CALN1: variants seen among roughly 807,000 people sequenced by gnomAD.
CALN1 encodes calcium-binding protein 8.
In CALN1, 17 loss-of-function variants were observed where a neutral mutation model predicts 30.6. The observed-to-expected ratio is 0.56, with a 90% CI of 0.38 to 0.83. The LOEUF (loss-of-function observed/expected upper bound fraction) is 0.83. Among genes scored for constraint, CALN1 ranks in the 40% least tolerant of loss-of-function variants. The probability of loss-of-function intolerance (pLI) is 0.00; values close to 1 mark genes in which losing one functional copy is unlikely to be tolerated. For missense variants in CALN1, 291 were observed against 354.9 expected, an observed-to-expected ratio of 0.82 and a Z score of 1.45; for synonymous variants, 156 against 131.4, an observed-to-expected ratio of 1.19 and a Z score of -1.28.
At chr7:72,501,972 T>C in the CALN1 span, among the ~76,000 whole-genome samples, 300 of 120,720 alleles carry the variant, frequency 2.5e-3, 3 homozygotes, top group African/African-American at 9.9e-3. Flanking sequence ...TATATAAATA[T>C]ATATACACAC....
chr7:72,304,498 TA>T (rs1018598671), intron 2 of CALN1, among the ~76,000 whole-genome samples: 3 of 151,758 alleles, frequency 2.0e-5, no homozygotes, highest in African/African-American at 7.3e-5. Context: ...AAATGAATTT[TA>T]AAAAAAATCA....
chr7:72,456,401 G>A, the CALN1 span, among the ~76,000 whole-genome samples: 1 of 152,054 alleles, frequency 6.6e-6, no homozygotes, highest in Non-Finnish European at 1.5e-5. Context: ...AGCCAAGAAT[G>A]GTGGTACACG....
chr7:72,364,879 A>G (rs1803789140), intron 2 of CALN1, among the ~76,000 whole-genome samples: 1 of 152,230 alleles, frequency 6.6e-6, no homozygotes, highest in South Asian at 2.1e-4. Flanking sequence ...TACTAAAAAC[A>G]CAAAAATTAG....
chr7:72,189,360 G>C (rs533600250), intron 3 of CALN1, among the ~76,000 whole-genome samples: 8 of 152,236 alleles, frequency 5.3e-5, no homozygotes, highest in African/African-American at 1.9e-4. Context: ...AAAGAATTTT[G>C]TTTCTCAAGC....
rs573434579 is a variant in CALN1 at position 72,085,274 on chromosome 7, A to G, written c.388+20877T>C. ...AGGATTGCTTGAGACCAGGAGTTTC[A>G]GACCAGCCTGGGCAACACTGCAAGA... is the stretch of plus-strand genomic sequence containing the variant. On this transcript the variant is annotated intron_variant, in intron 4 of 6. Coordinates refer to ENST00000395275, the MANE Select transcript of CALN1 (RefSeq NM_031468.4). Among the ~76,000 whole-genome samples the G allele has an allele frequency of 8.3e-4, 126 of 152,310 alleles. 1 individual carries two copies. The highest frequency in any genetic ancestry group is 3.0e-3 in the African/African-American group (125 of 41,562).
At chr7:72,465,703 T>C in the CALN1 span, among the ~76,000 whole-genome samples, 1 of 152,232 alleles carries the variant, frequency 6.6e-6, no homozygotes, top group Non-Finnish European at 1.5e-5. Flanking sequence ...ATCATATACA[T>C]GGATCATTGA....
At chr7:72,327,902 A>G (rs751599949) in intron 2 of CALN1, among the ~76,000 whole-genome samples, 39 of 152,330 alleles carry the variant, frequency 2.6e-4, no homozygotes, top group Admixed American at 5.2e-4. Context: ...TTCAACCTCT[A>G]TGAGAAGAAA....
chr7:72,401,722 A>C (rs2129562049), intron 2 of CALN1, among the ~76,000 whole-genome samples: 1 of 152,328 alleles, frequency 6.6e-6, no homozygotes, highest in East Asian at 1.9e-4. Flanking sequence ...CAAATGAGGA[A>C]ACATTTTTAA....
chr7:72,057,154 C>G (rs908183831), intron 4 of CALN1, among the ~76,000 whole-genome samples: 3 of 151,972 alleles, frequency 2.0e-5, no homozygotes, highest in Non-Finnish European at 4.4e-5. Context: ...ACCATGTTGC[C>G]CAGACTAGTC....
At chr7:72,463,390 G>A in the CALN1 span, among the ~76,000 whole-genome samples, 7 of 152,186 alleles carry the variant, frequency 4.6e-5, no homozygotes, top group East Asian at 3.9e-4. Context: ...TGATCTGCCC[G>A]CCTCGGCCTC....
At chr7:71,912,143 G>A (rs533070642) in intron 5 of CALN1, among the ~76,000 whole-genome samples, 3 of 152,154 alleles carry the variant, frequency 2.0e-5, no homozygotes, top group Non-Finnish European at 2.9e-5. Context: ...CTCAGTGAAC[G>A]TTAGTCTTCT....
intron 5 of CALN1, among the ~76,000 whole-genome samples, chr7:71,932,603 G>A (rs1795611464): frequency 6.6e-6 from 1 of 151,996 alleles, no homozygotes; most frequent in South Asian, 2.1e-4. Context: ...CACAACGTCA[G>A]GAGATCAAGA....
chr7:72,238,635 A>G (rs752835711), intron 3 of CALN1, among the ~76,000 whole-genome samples: 63 of 152,194 alleles, frequency 4.1e-4, no homozygotes, highest in Middle Eastern at 3.4e-3. Context: ...TGTTGTTCTC[A>G]TGATAGTGAG....
intron 3 of CALN1, among the ~76,000 whole-genome samples, chr7:72,125,369 C>A (rs1808674264): frequency 6.6e-6 from 1 of 152,184 alleles, no homozygotes; most frequent in Non-Finnish European, 1.5e-5. Context: ...TGCTGATTGT[C>A]TCCTATGTGC....
At chr7:72,413,234 C>CAA (rs373509309), upstream of CALN1, among the ~76,000 whole-genome samples, 433 of 151,764 alleles carry the variant, frequency 2.9e-3, 3 homozygotes, top group African/African-American at 0.01. Flanking sequence ...CATATACACT[C>CAA]ACACACACCA....
intron 2 of CALN1, among the ~76,000 whole-genome samples, chr7:72,358,308 A>C (rs1226526462): frequency 6.6e-6 from 1 of 151,936 alleles, no homozygotes; most frequent in Non-Finnish European, 1.5e-5. Context: ...TTGGATCACA[A>C]ATTTTCACGT....
chr7:72,122,483 T>A (rs1407247659), intron 3 of CALN1, among the ~76,000 whole-genome samples: 1 of 152,130 alleles, frequency 6.6e-6, no homozygotes, highest in Non-Finnish European at 1.5e-5. Context: ...ACACCTGTAA[T>A]CCCAGTGATT....
chr7:72,335,947 T>C (rs1424442601), intron 2 of CALN1, among the ~76,000 whole-genome samples: 1 of 152,126 alleles, frequency 6.6e-6, no homozygotes, highest in Non-Finnish European at 1.5e-5. Flanking sequence ...CACTCCGCGC[T>C]GCGCTAGTCC....
intron 3 of CALN1, among the ~76,000 whole-genome samples, chr7:72,175,489 G>A (rs1482150071): frequency 6.6e-6 from 1 of 152,154 alleles, no homozygotes; most frequent in African/African-American, 2.4e-5. Context: ...ATGTCCATCA[G>A]AAACAAGAGT....
Sources: gnomAD v4.1 joint callset for allele counts (sites outside exome capture counted in the v4.1 genomes callset) on GRCh38, gnomAD v4.1.1 for gene constraint, MANE v1.5 for transcripts, NCBI Gene and HGNC (gene_info 2026-07-23, HGNC 2026-07-21) for gene names.